Variants in FRMPD3 observed in about 807,000 individuals in gnomAD.
FRMPD3 encodes FERM and PDZ domain-containing protein 3.
A neutral mutation model predicts 97.9 loss-of-function variants in FRMPD3; 42 were observed. That is an observed-to-expected ratio of 0.43 (90% CI 0.34 to 0.55). FRMPD3 has a LOEUF of 0.55. FRMPD3 is among the 20% of genes least tolerant of loss of function. FRMPD3 has a pLI of 0.03. For missense variants in FRMPD3, 1,303 were observed against 1,457.7 expected, an observed-to-expected ratio of 0.89 and a Z score of 1.73; for synonymous variants, 577 against 581.1, an observed-to-expected ratio of 0.99 and a Z score of 0.10.
intron 1 of FRMPD3, among the ~76,000 whole-genome samples, chrX:107,505,346 T>A (rs1922005807): frequency 8.9e-6 from 1 of 112,177 alleles, no homozygotes; most frequent in South Asian, 3.7e-4. Context: ...AACTAGTGAT[T>A]CAAATGTGTT....
intron 11 of FRMPD3, 134 bp downstream of exon 11, chrX:107,563,334 C>T: frequency 2.2e-6 from 1 of 458,456 alleles, no homozygotes; most frequent in Non-Finnish European, 3.6e-6. Flanking sequence ...TCTTACCTCC[C>T]TGGCCCTGCC....
intron 8 of FRMPD3, chrX:107,555,117 G>A (rs1922022655): frequency 8.9e-6 from 1 of 112,774 alleles, no homozygotes; most frequent in Non-Finnish European, 1.9e-5. Context: ...GAATGAATGA[G>A]AGTTTGTTGT....
intron 1 of FRMPD3, among the ~76,000 whole-genome samples, chrX:107,509,067 T>C (rs1922101948): frequency 8.9e-6 from 1 of 111,810 alleles, no homozygotes; most frequent in Admixed American, 9.4e-5. Context: ...GCTGTGCTCA[T>C]TGATATTCGC....
chrX:107,505,012 A>G (rs1921997265), intron 1 of FRMPD3, among the ~76,000 whole-genome samples: 1 of 112,476 alleles, frequency 8.9e-6, no homozygotes, highest in Non-Finnish European at 1.9e-5. Flanking sequence ...TTCACAGAGC[A>G]GAGACTCCCA....
chrX:107,495,160 T>A (rs1432203941), intron 1 of FRMPD3, among the ~76,000 whole-genome samples: 2 of 111,683 alleles, frequency 1.8e-5, no homozygotes, highest in East Asian at 5.6e-4. Context: ...GCACATTCCA[T>A]CTCTGGACCT....
intron 1 of FRMPD3, among the ~76,000 whole-genome samples, chrX:107,494,055 C>T (rs1449916854): frequency 3.6e-5 from 4 of 110,990 alleles, no homozygotes; most frequent in Non-Finnish European, 7.6e-5. Flanking sequence ...GGAAGATGAG[C>T]CAGCAGGAGG....
chrX:107,491,737 C>A (rs908148549), intron 1 of FRMPD3, among the ~76,000 whole-genome samples: 5 of 111,778 alleles, frequency 4.5e-5, no homozygotes, highest in African/African-American at 6.5e-5. Flanking sequence ...GAACTGACAA[C>A]CCAGACCCTT....
rs776244888 is a variant in FRMPD3 at position 107,583,186 on chromosome X, T to C, written c.1441+6727T>C. Among the ~76,000 whole-genome samples the C allele has an allele frequency of 1.6e-4, 18 of 109,933 alleles. 1 individual carries two copies. Among genetic ancestry groups the C allele is most frequent in the African/African-American group, 6.0e-4 (18 of 30,183 alleles). ...CAGGTTTGCTACATGGGTATACATG[T>C]GCCATGGTGGTTTGCTGCTCCTATT... On this transcript the variant is annotated intron_variant, in intron 13 of 14. Transcript: ENST00000683843.
Position 107,602,489 on chromosome X carries a change from G to A in FRMPD3, c.4450G>A (p.Glu1484Lys), listed in dbSNP as rs775247008. 8.3e-5 allele frequency: 101 copies of A among 1,210,448 alleles called. No individual in the cohort carries two copies. The highest frequency in any genetic ancestry group is 1.1e-4 in the Non-Finnish European group (97 of 895,305). Residue 1484 changes from glutamate to lysine, a missense_variant, in exon 15 of 15, where the codon GAG becomes AAG. This residue lies in a region of FRMPD3 where 764 missense variants were observed against 820.2 expected (regional missense o/e 0.93). Coordinates refer to ENST00000683843, the MANE Select transcript of FRMPD3 (RefSeq NM_001388459.1). ...GTACCGGAAGCCTGCCGAGCTAGAC[G>A]AGGACAGTGAGAGCAGCAAGTGCTG... Reference protein sequence around the residue: ...EVYRKPAELDEDSESSKCCSI... With the variant: ...EVYRKPAELDKDSESSKCCSI...
intron 1 of FRMPD3, among the ~76,000 whole-genome samples, chrX:107,485,322 C>T (rs1158333221): frequency 8.9e-6 from 1 of 112,164 alleles, no homozygotes; most frequent in Non-Finnish European, 1.9e-5. Flanking sequence ...CAGGACTGTG[C>T]CTGTCAGGAT....
intron 1 of FRMPD3, among the ~76,000 whole-genome samples, chrX:107,460,956 T>C (rs1931460154): frequency 8.9e-6 from 1 of 111,883 alleles, no homozygotes; most frequent in South Asian, 3.8e-4. Context: ...AATCACTCAC[T>C]GACAGAGGAA....
At chrX:107,555,424 T>C (rs751824338) in intron 8 of FRMPD3, among the ~76,000 whole-genome samples, 7 of 112,030 alleles carry the variant, frequency 6.2e-5, no homozygotes, top group Non-Finnish European at 1.3e-4. Flanking sequence ...AGTGGTAGCA[T>C]CAGCATCAAC....
chrX:107,545,944 G>A, intron 5 of FRMPD3, 103 bp downstream of exon 5: 1 of 611,019 alleles, frequency 1.6e-6, no homozygotes, highest in Non-Finnish European at 2.6e-6. Flanking sequence ...TTTCCGAATG[G>A]GTTAGAGTGG....
chrX:107,492,724 T>C (rs1921689095), intron 1 of FRMPD3, among the ~76,000 whole-genome samples: 1 of 112,026 alleles, frequency 8.9e-6, no homozygotes, highest in Non-Finnish European at 1.9e-5. Context: ...TGTATACACA[T>C]TAAATTTCGA....
chrX:107,571,565 G>C (rs187942990), intron 12 of FRMPD3, among the ~76,000 whole-genome samples: 2 of 111,757 alleles, frequency 1.8e-5, no homozygotes, highest in South Asian at 7.6e-4. Flanking sequence ...TTTTGCTTTC[G>C]TGCTGTTTTA....
chrX:107,551,853 C>T (rs903911667), intron 6 of FRMPD3, among the ~76,000 whole-genome samples: 2 of 112,842 alleles, frequency 1.8e-5, no homozygotes, highest in African/African-American at 6.4e-5. Context: ...ACAAGAGATG[C>T]TCTGAAGTAC....
Position 107,560,709 on chromosome X carries a change from C to A in FRMPD3, c.900-18C>A, listed in dbSNP as rs1215116254. On this transcript the variant is annotated intron_variant, in intron 9 of 14. Transcript: ENST00000683843. ...CTTTGCCTCTCTCACTAATCTCTTA[C>A]TTTTCTTCTGCTTTTAGGAAGGAGT... is the stretch of plus-strand genomic sequence containing the variant. The A allele has an allele frequency of 3.5e-6, 4 of 1,156,134 alleles. No individual in the cohort carries two copies. The East Asian group carries it at 9.8e-5, about 28-fold the overall frequency.
rs1042549243 is a variant in FRMPD3, at chrX:107,602,408, G to T, written c.4369G>T (p.Ala1457Ser). ...TLGDPSYVQVAPETKGPRQMA... is the reference protein window; with the variant it reads ...TLGDPSYVQVSPETKGPRQMA... ...GGGAGACCCCTCCTACGTCCAGGTT[G>T]CCCCAGAGACCAAAGGCCCCAGACA... The change falls in exon 15 of 15, where the codon GCC becomes TCC. Residue 1457 changes from alanine to serine, a missense_variant. This residue lies in a region of FRMPD3 where 764 missense variants were observed against 820.2 expected (regional missense o/e 0.93). Transcript: ENST00000683843. The T allele has an allele frequency of 8.3e-7, 1 of 1,208,681 alleles. No individual in the cohort carries two copies. Among genetic ancestry groups the T allele is most frequent in the African/African-American group, 1.7e-5 (1 of 57,378 alleles).
chrX:107,591,735 T>C (rs1025587295), intron 13 of FRMPD3, among the ~76,000 whole-genome samples: 1 of 111,545 alleles, frequency 9.0e-6, no homozygotes, highest in Non-Finnish European at 1.9e-5. Flanking sequence ...TTGCTCTTCT[T>C]TTTTTGCCTT....
Sources: allele counts gnomAD v4.1 joint callset (sites outside exome capture counted in the v4.1 genomes callset), GRCh38; gene constraint gnomAD v4.1.1; regional missense constraint gnomAD v4.1.1; transcripts MANE v1.5; gene names NCBI Gene and HGNC (gene_info 2026-07-23, HGNC 2026-07-21).